The following LRP1 variants were observed in gnomAD, a reference collection of about 807,000 sequenced individuals.
The protein encoded by LRP1 is prolow-density lipoprotein receptor-related protein 1.
Under a neutral mutation model 541.5 loss-of-function variants are expected in LRP1, and 51 were observed. The ratio of observed to expected loss-of-function variants is 0.09; its 90% confidence interval spans 0.08 to 0.12. The LOEUF is 0.12. LRP1 is among the 10% of genes least tolerant of loss of function. The pLI, the probability that LRP1 is intolerant of heterozygous loss-of-function variation, is 1.00. For synonymous variants in LRP1, 2,219 were observed against 2,470.8 expected, an observed-to-expected ratio of 0.90 and a Z score of 3.02; for missense variants, 3,878 against 6,376.2, an observed-to-expected ratio of 0.61 and a Z score of 13.34.
At position 57,156,842 on chromosome 12, in the gene LRP1, C is replaced by T. The variant is rs1433007163; in HGVS notation, c.1483C>T (p.Leu495=). ...GGGTGGCTGCTCTGACATCTGCCTGCTGGCCAACAGCCACAAGGCGCGGAC... is the reference window on the plus strand; with the variant it reads ...GGGTGGCTGCTCTGACATCTGCCTGTTGGCCAACAGCCACAAGGCGCGGAC... The part of the protein sequence containing the change: ...KPGGCSDICL[L]ANSHKARTCR... The change falls in exon 10 of 89, where the codon CTG becomes TTG. Residue 495 remains leucine, a synonymous_variant. Transcript: ENST00000243077. The surrounding 1 kb of genome is among the most constrained non-coding windows in gnomAD (Gnocchi z 5.2). 6.2e-7 allele frequency: 1 copy of T among 1,605,780 alleles called. No individual in the cohort carries two copies. Among genetic ancestry groups the T allele is most frequent in the East Asian group, 2.2e-5 (1 of 44,800 alleles).
intron 46 of LRP1, 60 bp downstream of exon 46, chr12:57,193,364 C>T: frequency 6.3e-7 from 1 of 1,590,710 alleles, no homozygotes; most frequent in Non-Finnish European, 8.5e-7. Flanking sequence ...CCTCCTCCCC[C>T]AGGCCCCTGC....
Position 57,208,181 on chromosome 12 carries a change from C to T in LRP1, c.12003C>T (p.Asp4001=), listed in dbSNP as rs1271485088. The T allele has an allele frequency of 9.3e-6, 15 of 1,613,818 alleles. No individual in the cohort carries two copies. The South Asian group carries it at 9.9e-5, about 11-fold the overall frequency. The part of the protein sequence containing the change: ...NRKTLISGMI[D]EPHAIVVDPL... ...AGACGCTCATCTCGGGCATGATTGA[C>T]GAGCCCCACGCCATTGTGGTGGACC... Residue 4001 remains aspartate, a synonymous_variant, in exon 77 of 89, where the codon GAC becomes GAT. Coordinates refer to ENST00000243077, the MANE Select transcript of LRP1 (RefSeq NM_002332.3).
chr12:57,162,767 C>A lies in LRP1; in HGVS notation c.2405-91C>A. 7.2e-7 allele frequency: 1 copy of A among 1,395,994 alleles called. No homozygotes were observed. Among genetic ancestry groups the A allele is most frequent in the Non-Finnish European group, 9.7e-7 (1 of 1,026,682 alleles). 86.5% of individuals were successfully genotyped at this position (1,395,994 alleles called of 1,614,324 possible). A position where few individuals can be genotyped will look rare whatever the true frequency, so the allele number is the denominator to read the frequency against. On this transcript the variant is annotated intron_variant, in intron 14 of 88. Transcript: ENST00000243077. The surrounding 1 kb of genome is among the most constrained non-coding windows in gnomAD (Gnocchi z 5.2). Reference sequence around the variant, plus strand: ...CTCTCCATATTTCCTCTTTCTGTCCCCACATCTTAATGTGTCTCCTCCCCT... The same window carrying A: ...CTCTCCATATTTCCTCTTTCTGTCCACACATCTTAATGTGTCTCCTCCCCT...
chr12:57,152,092 C>A (rs2035537263), intron 6 of LRP1, among the ~76,000 whole-genome samples: 1 of 152,116 alleles, frequency 6.6e-6, no homozygotes, highest in South Asian at 2.1e-4. Flanking sequence ...TGCCTTCCTT[C>A]CCGGAATTGG....
In LRP1 at chr12:57,179,496, A is replaced by G; in HGVS notation, c.4906A>G (p.Thr1636Ala). Residue 1636 changes from threonine to alanine, a missense_variant, in exon 29 of 89, where the codon ACA becomes GCA. By Grantham distance (58) the Thr-to-Ala change is moderately conservative. Around this residue, in one of 13 missense-constraint regions of LRP1, gnomAD observed 394 missense variants for 635.9 expected, o/e 0.62. Transcript: ENST00000243077. This position sits in a 1 kb window ranked among gnomAD's most constrained non-coding sequence, Gnocchi z 6.8. ...GCGTGTGTACTGGTCTGACGTGCGG[A>G]CACAGGCCATCAAGCGGGCCTTCAT... ...EQRVYWSDVR[T>A]QAIKRAFING... The G allele has an allele frequency of 6.2e-7, 1 of 1,614,208 alleles. No homozygotes were observed.
intron 1 of LRP1, among the ~76,000 whole-genome samples, chr12:57,132,787 C>T (rs1220359329): frequency 2.0e-5 from 3 of 152,178 alleles, no homozygotes; most frequent in Admixed American, 6.5e-5. Flanking sequence ...TCTCCATTTA[C>T]CCCCATCCAG....
chr12:57,138,692 A>G, intron 2 of LRP1, 111 bp downstream of exon 2: 1 of 1,435,428 alleles, frequency 7.0e-7, no homozygotes. Flanking sequence ...GACCTTGCTC[A>G]GTGATTGTAT....
intron 1 of LRP1, among the ~76,000 whole-genome samples, chr12:57,132,525 G>T (rs2035058743): frequency 6.6e-6 from 1 of 152,160 alleles, no homozygotes; most frequent in Non-Finnish European, 1.5e-5. Flanking sequence ...GGCTCAGCGG[G>T]GTAGTCATTC....
chr12:57,141,710 G>A (rs1039351902), intron 3 of LRP1, among the ~76,000 whole-genome samples, 199 bp downstream of exon 3: 4 of 151,988 alleles, frequency 2.6e-5, no homozygotes, highest in East Asian at 1.9e-4. Context: ...GGCCTCAGCC[G>A]TGGGCTGTAG....
rs778032975 is a variant in LRP1 at position 57,210,038 on chromosome 12, C to G, written c.12449C>G (p.Pro4150Arg). ...CCACCCATACCTGCAGTGACCAACCCATGTGACCGCAAGAAATGCGAGTGG... is the reference window on the plus strand; with the variant it reads ...CCACCCATACCTGCAGTGACCAACCGATGTGACCGCAAGAAATGCGAGTGG... The part of the protein sequence containing the change: ...HQHKQPEVTN[P>R]CDRKKCEWLC... The change falls in exon 81 of 89, where the codon CCA becomes CGA. Residue 4150 changes from proline to arginine, a missense_variant. Physicochemically the swap from Pro to Arg is moderately radical, Grantham distance 103. Transcript: ENST00000243077. The G allele has an allele frequency of 6.2e-7, 1 of 1,609,210 alleles. No homozygotes were observed. The highest frequency in any genetic ancestry group is 8.5e-7 in the Non-Finnish European group (1 of 1,177,430).
At chr12:57,191,921 C>CACCACA (rs1565744055) in intron 44 of LRP1, among the ~76,000 whole-genome samples, 14 of 120,170 alleles carry the variant, frequency 1.2e-4, no homozygotes, top group South Asian at 2.8e-4. Context: ...ACCACACACA[C>CACCACA]TACACATACC....
At chr12:57,207,547 A>T (rs2136752209) in intron 76 of LRP1, among the ~76,000 whole-genome samples, 1 of 151,816 alleles carries the variant, frequency 6.6e-6, no homozygotes, top group East Asian at 1.9e-4. Context: ...AAAAAAAAGA[A>T]AAAGAAAACA....
chr12:57,174,040 G>T, intron 22 of LRP1, 60 bp downstream of exon 22: 1 of 1,545,930 alleles, frequency 6.5e-7, no homozygotes, highest in African/African-American at 1.4e-5. Context: ...CTGGGCCAAG[G>T]ACAGTCTTTG....
Position 57,208,161 on chromosome 12 carries a change from C to T in LRP1, c.11983C>T (p.Leu3995Phe). 6.2e-7 allele frequency: 1 copy of T among 1,614,156 alleles called. No individual in the cohort carries two copies. Among genetic ancestry groups the T allele is most frequent in the Non-Finnish European group, 8.5e-7 (1 of 1,180,032 alleles). Residue 3995 changes from leucine to phenylalanine, a missense_variant, in exon 77 of 89, where the codon CTC (leucine) becomes TTC (phenylalanine). By Grantham distance (22) the Leu-to-Phe change is conservative (BLOSUM62 0). Coordinates refer to ENST00000243077, the MANE Select transcript of LRP1 (RefSeq NM_002332.3). ...AQMKGENRKT[L>F]ISGMIDEPHA... ...GATGAAGGGCGAGAACCGCAAGACG[C>T]TCATCTCGGGCATGATTGACGAGCC...
chr12:57,191,212 G>A, intron 43 of LRP1, 108 bp from the exon 44 acceptor site: 1 of 1,216,746 alleles, frequency 8.2e-7, no homozygotes, highest in Non-Finnish European at 1.2e-6. Context: ...GGATGCCTCT[G>A]CGGGCCCTCA....
Position 57,179,124 on chromosome 12 carries a change from G to C in LRP1, c.4738+103G>C. 1 of 1,481,110 alleles carries C rather than the reference G, an allele frequency of 6.8e-7. No individual in the cohort carries two copies. Among genetic ancestry groups the C allele is most frequent in the Non-Finnish European group, 9.1e-7 (1 of 1,102,230 alleles). The allele number at this position is 1,481,110 out of a possible 1,614,324, so 91.7% of individuals were successfully genotyped here. On this transcript the variant is annotated intron_variant, in intron 28 of 88. Transcript: ENST00000243077. The surrounding 1 kb of genome is among the most constrained non-coding windows in gnomAD (Gnocchi z 6.8). ...AGCTAAGGCAGAGTCCCAGTCGGGA[G>C]GGTCCCGATAGGAGAGGCTCCAGAG...
chr12:57,200,329 A>T (rs2036622302), intron 62 of LRP1, 113 bp from the exon 63 acceptor site: 2 of 739,728 alleles, frequency 2.7e-6, no homozygotes, highest in African/African-American at 1.7e-5. Flanking sequence ...AACCTGCCCC[A>T]TAACACCCTG....
At chr12:57,148,494 G>A (rs938274213) in intron 6 of LRP1, among the ~76,000 whole-genome samples, 3 of 152,200 alleles carry the variant, frequency 2.0e-5, no homozygotes, top group Non-Finnish European at 4.4e-5. Flanking sequence ...TATGGAGCCT[G>A]TAACCCAGCT....
chr12:57,155,668 GC>G (rs2035604035), intron 8 of LRP1: 1 of 159,706 alleles, frequency 6.3e-6, no homozygotes, highest in African/African-American at 2.4e-5. Context: ...AAATGGTGGG[GC>G]CAGGCACGGT....
Sources: allele counts gnomAD v4.1 joint callset (sites outside exome capture counted in the v4.1 genomes callset), GRCh38; gene constraint gnomAD v4.1.1; regional missense constraint gnomAD v4.1.1; non-coding constraint Gnocchi (gnomAD v3.1); transcripts MANE v1.5; gene names NCBI Gene and HGNC (gene_info 2026-07-23, HGNC 2026-07-21).